Variants in GALNTL6 observed in about 807,000 individuals in gnomAD.
The protein encoded by GALNTL6 is polypeptide N-acetylgalactosaminyltransferase like 6.
Under a neutral mutation model 73.7 loss-of-function variants are expected in GALNTL6, and 46 were observed. That is an observed-to-expected ratio of 0.62 (90% CI 0.49 to 0.80). The LOEUF (loss-of-function observed/expected upper bound fraction) is 0.80, where lower values mean the gene tolerates loss of function less well. GALNTL6 is among the 30% of genes least tolerant of loss of function. The pLI is 0.00. For synonymous variants in GALNTL6, 259 were observed against 263.7 expected (o/e 0.98, Z 0.17); for missense variants, 604 against 755.0 (o/e 0.80, Z 2.34).
At chr4:172,556,389 C>G (rs1736142396) in intron 5 of GALNTL6, among the ~76,000 whole-genome samples, 1 of 151,944 alleles carries the variant, frequency 6.6e-6, no homozygotes, top group South Asian at 2.1e-4. Flanking sequence ...GGGTCTCTCC[C>G]CATGTGACAG....
intron 2 of GALNTL6, among the ~76,000 whole-genome samples, chr4:172,153,945 A>G (rs1472050311): frequency 6.6e-6 from 1 of 152,240 alleles, no homozygotes; most frequent in Non-Finnish European, 1.5e-5. Context: ...GCCCGGGAAC[A>G]TTTAAATGAA....
At chr4:172,177,789 G>GGA (rs1735073259) in intron 2 of GALNTL6, among the ~76,000 whole-genome samples, 4 of 136,794 alleles carry the variant, frequency 2.9e-5, no homozygotes, top group Non-Finnish European at 6.1e-5. Context: ...ATACACATGT[G>GGA]TATATATATA....
intron 5 of GALNTL6, among the ~76,000 whole-genome samples, chr4:172,558,795 G>A (rs530833812): frequency 6.6e-5 from 10 of 152,106 alleles, no homozygotes; most frequent in African/African-American, 2.4e-4. Flanking sequence ...AGAAAAGAGT[G>A]GTCATTATCT....
intron 5 of GALNTL6, among the ~76,000 whole-genome samples, chr4:172,452,478 G>C (rs1732250114): frequency 6.6e-6 from 1 of 152,178 alleles, no homozygotes; most frequent in African/African-American, 2.4e-5. Context: ...AAGATGTAAA[G>C]TCTGTACTAT....
chr4:172,293,259 C>A (rs1026464062), intron 3 of GALNTL6, among the ~76,000 whole-genome samples: 1 of 151,980 alleles, frequency 6.6e-6, no homozygotes, highest in Non-Finnish European at 1.5e-5. Context: ...TCCTCATGCC[C>A]CCACCCTTTT....
At chr4:171,850,960 A>C (rs1440322126) in intron 2 of GALNTL6, among the ~76,000 whole-genome samples, 1 of 152,172 alleles carries the variant, frequency 6.6e-6, no homozygotes, top group Non-Finnish European at 1.5e-5. Flanking sequence ...TCCTAAAACA[A>C]TGCAATTCAA....
intron 5 of GALNTL6, among the ~76,000 whole-genome samples, chr4:172,383,827 G>C (rs1743370207): frequency 6.6e-6 from 1 of 152,062 alleles, no homozygotes; most frequent in Non-Finnish European, 1.5e-5. Flanking sequence ...ATCATGTAAG[G>C]ATGATGGATT....
At chr4:172,354,449 G>A (rs560775994) in intron 5 of GALNTL6, among the ~76,000 whole-genome samples, 60 of 152,052 alleles carry the variant, frequency 3.9e-4, no homozygotes, top group Non-Finnish European at 8.1e-4. Context: ...TTGCATAAAA[G>A]TTAAATGTGC....
At chr4:172,311,353 A>G (rs1447558386) in intron 3 of GALNTL6, among the ~76,000 whole-genome samples, 1 of 152,216 alleles carries the variant, frequency 6.6e-6, no homozygotes, top group African/African-American at 2.4e-5. Context: ...ACAAGTATTA[A>G]TAAACGTACA....
intron 3 of GALNTL6, among the ~76,000 whole-genome samples, chr4:172,243,243 C>G (rs1265953949): frequency 6.6e-6 from 1 of 152,164 alleles, no homozygotes; most frequent in Non-Finnish European, 1.5e-5. Context: ...CTACTCTCCC[C>G]TTCCTTAAGG....
intron 2 of GALNTL6, among the ~76,000 whole-genome samples, chr4:172,153,442 T>C (rs1035598356): frequency 1.4e-4 from 21 of 152,244 alleles, no homozygotes; most frequent in Non-Finnish European, 4.4e-5. Flanking sequence ...ATCTTTTTAA[T>C]GTTTTTAAGA....
intron 3 of GALNTL6, among the ~76,000 whole-genome samples, chr4:172,261,399 G>A (rs10022480): frequency 0.13 from 19,037 of 151,402 alleles, 1,290 homozygotes; most frequent in East Asian, 0.29. Context: ...ATGTAAAGGC[G>A]TTCACAGTAG....
At chr4:172,201,607 T>A (rs945556048) in intron 2 of GALNTL6, among the ~76,000 whole-genome samples, 4 of 152,108 alleles carry the variant, frequency 2.6e-5, no homozygotes, top group Non-Finnish European at 2.9e-5. Flanking sequence ...GAAACACAGA[T>A]AAACTGTTTA....
intron 2 of GALNTL6, among the ~76,000 whole-genome samples, chr4:172,178,047 G>C (rs1294154072): frequency 6.6e-6 from 1 of 151,830 alleles, no homozygotes; most frequent in Non-Finnish European, 1.5e-5. Flanking sequence ...CTATTGAGAT[G>C]TCACATGGTG....
intron 2 of GALNTL6, among the ~76,000 whole-genome samples, chr4:172,165,271 TCTA>T (rs2110803030): frequency 6.6e-6 from 1 of 152,244 alleles, no homozygotes; most frequent in Non-Finnish European, 1.5e-5. Context: ...GATAGATAAA[TCTA>T]TCATCAAGGA....
rs549812872 is a variant in GALNTL6 at position 172,839,455 on chromosome 4, C to T, written c.923+25732C>T. ...AAATTCCCTTAATGTTCCTAACAGT[C>T]TTGATTAAACTGTGAGCCATTATAA... On this transcript the variant is annotated intron_variant, in intron 7 of 12. Transcript: ENST00000506823. 2.0e-5 allele frequency among the ~76,000 whole-genome samples: 3 copies of T among 152,256 alleles called. No individual in the cohort carries two copies. In the East Asian group the frequency reaches 5.8e-4, roughly 29 times the overall value.
chr4:172,777,026 G>T (rs1739113909), intron 5 of GALNTL6, among the ~76,000 whole-genome samples: 1 of 152,076 alleles, frequency 6.6e-6, no homozygotes, highest in Non-Finnish European at 1.5e-5. Flanking sequence ...TCTATTCGTT[G>T]CCTCAAATAT....
At chr4:172,187,781 T>C (rs1735457868) in intron 2 of GALNTL6, among the ~76,000 whole-genome samples, 1 of 152,178 alleles carries the variant, frequency 6.6e-6, no homozygotes, top group African/African-American at 2.4e-5. Flanking sequence ...TTATGCTGTT[T>C]CTTAAAATTT....
In GALNTL6 at chr4:172,317,439, A is replaced by T. The variant is rs568548197; in HGVS notation, c.386+5687A>T. On this transcript the variant is annotated intron_variant, in intron 4 of 12. Transcript: ENST00000506823. ...CAGCGATCGCGTGATCTATTCAGTTATTTCTTTGTCTTCTGATAATGATCT... is the reference window on the plus strand; with the variant it reads ...CAGCGATCGCGTGATCTATTCAGTTTTTTCTTTGTCTTCTGATAATGATCT... Among the ~76,000 whole-genome samples, 87 of 152,164 alleles carry T rather than the reference A, an allele frequency of 5.7e-4. 1 individual carries two copies. Among genetic ancestry groups the T allele is most frequent in the African/African-American group, 1.9e-3 (77 of 41,532 alleles).
Sources: gnomAD v4.1 joint callset for allele counts (sites outside exome capture counted in the v4.1 genomes callset) on GRCh38, gnomAD v4.1.1 for gene constraint, MANE v1.5 for transcripts, NCBI Gene and HGNC (gene_info 2026-07-23, HGNC 2026-07-21) for gene names.